The following TNNI3K variants were observed in gnomAD, a reference collection of about 807,000 sequenced individuals.
The protein encoded by TNNI3K is serine/threonine-protein kinase TNNI3K.
Under a neutral mutation model 114.5 loss-of-function variants are expected in TNNI3K, and 140 were observed. That is an observed-to-expected ratio of 1.22 (90% CI 1.07 to 1.41). The LOEUF (loss-of-function observed/expected upper bound fraction) is 1.41. Among genes scored for constraint, TNNI3K ranks in the 40% most tolerant of loss-of-function variants. The pLI, the probability that TNNI3K is intolerant of heterozygous loss-of-function variation, is 0.00. For missense variants in TNNI3K, 1,125 were observed against 1,007.6 expected (o/e 1.12, Z -1.58); for synonymous variants, 347 against 347.5 (o/e 1.00, Z 0.02).
chr1:74,393,906 A>T (rs1663933211), intron 17 of TNNI3K, among the ~76,000 whole-genome samples: 2 of 152,280 alleles, frequency 1.3e-5, no homozygotes, highest in South Asian at 2.1e-4. Context: ...GACCCTGCTG[A>T]TCTGACAGGA....
intron 17 of TNNI3K, among the ~76,000 whole-genome samples, chr1:74,424,866 A>T (rs1460657285): frequency 6.6e-6 from 1 of 152,152 alleles, no homozygotes; most frequent in South Asian, 2.1e-4. Context: ...TAGGGGACAA[A>T]TGATACAAAG....
intron 17 of TNNI3K, among the ~76,000 whole-genome samples, chr1:74,424,718 C>CAAAAAA (rs71588833): frequency 8.8e-6 from 1 of 113,772 alleles, no homozygotes. Context: ...GAGTCCATCT[C>CAAAAAA]AAAAAAAAAA....
intron 21 of TNNI3K, among the ~76,000 whole-genome samples, chr1:74,477,209 A>G (rs1668248369): frequency 1.3e-5 from 2 of 152,166 alleles, no homozygotes; most frequent in East Asian, 3.8e-4. Flanking sequence ...TTTAACTCAT[A>G]TGGGTAAGAA....
chr1:74,292,118 GTCTC>G (rs1230137893), intron 5 of TNNI3K, among the ~76,000 whole-genome samples: 5 of 150,980 alleles, frequency 3.3e-5, no homozygotes, highest in African/African-American at 9.7e-5. Context: ...GATTATTTTG[GTCTC>G]TCTTTTTGTC....
chr1:74,304,881 T>C (rs1658529972), intron 5 of TNNI3K, among the ~76,000 whole-genome samples: 1 of 152,224 alleles, frequency 6.6e-6, no homozygotes, highest in African/African-American at 2.4e-5. Flanking sequence ...TGACTTATTT[T>C]ATTGCAAAAT....
intron 17 of TNNI3K, chr1:74,375,810 C>T: frequency 3.6e-6 from 1 of 280,154 alleles, no homozygotes; most frequent in Non-Finnish European, 7.5e-6. Flanking sequence ...CTCTCCTGTA[C>T]AGCTGGCTGT....
intron 5 of TNNI3K, among the ~76,000 whole-genome samples, chr1:74,311,812 G>A (rs1659011277): frequency 6.6e-6 from 1 of 151,976 alleles, no homozygotes. Flanking sequence ...TTTATATAAA[G>A]GTATTTGATA....
At chr1:74,404,623 A>G (rs1245832175) in intron 17 of TNNI3K, among the ~76,000 whole-genome samples, 2 of 152,230 alleles carry the variant, frequency 1.3e-5, no homozygotes, top group Non-Finnish European at 2.9e-5. Context: ...ATTGCTAACA[A>G]GTTCCCAGGT....
chr1:74,521,037 C>A (rs918475261), intron 23 of TNNI3K, among the ~76,000 whole-genome samples: 1 of 152,140 alleles, frequency 6.6e-6, no homozygotes, highest in Non-Finnish European at 1.5e-5. Flanking sequence ...TCTGGTTGCC[C>A]TGACTGGACA....
intron 23 of TNNI3K, among the ~76,000 whole-genome samples, chr1:74,493,690 A>G (rs1352318187): frequency 6.6e-6 from 1 of 152,154 alleles, no homozygotes; most frequent in Non-Finnish European, 1.5e-5. Context: ...GTTCAGGTCT[A>G]TTCCTTGGGT....
intron 4 of TNNI3K, among the ~76,000 whole-genome samples, chr1:74,264,141 G>A (rs1312112492): frequency 6.6e-6 from 1 of 151,662 alleles, no homozygotes; most frequent in Non-Finnish European, 1.5e-5. Flanking sequence ...GATAATCTAA[G>A]AGTATGTTAC....
At chr1:74,290,759 C>T (rs866086155) in intron 5 of TNNI3K, among the ~76,000 whole-genome samples, 2 of 151,510 alleles carry the variant, frequency 1.3e-5, no homozygotes, top group South Asian at 2.1e-4. Flanking sequence ...AAATATTCAC[C>T]TTTACAGAAG....
intron 21 of TNNI3K, among the ~76,000 whole-genome samples, chr1:74,488,474 G>A (rs1668878945): frequency 6.6e-6 from 1 of 152,080 alleles, no homozygotes; most frequent in African/African-American, 2.4e-5. Context: ...GAAATGATAG[G>A]GTGTATAGTT....
chr1:74,495,599 T>C (rs1436232213), intron 23 of TNNI3K, among the ~76,000 whole-genome samples: 1 of 152,182 alleles, frequency 6.6e-6, no homozygotes, highest in Non-Finnish European at 1.5e-5. Flanking sequence ...TAAATAGTCA[T>C]CTAATTCAGC....
intron 21 of TNNI3K, among the ~76,000 whole-genome samples, chr1:74,487,314 T>C (rs890729974): frequency 2.6e-4 from 39 of 152,242 alleles, no homozygotes; most frequent in Non-Finnish European, 2.9e-5. Flanking sequence ...GGGCAAATTA[T>C]GTAGGTCATA....
chr1:74,440,727 G>A lies in TNNI3K; in HGVS notation c.2011+1105G>A, dbSNP rs138002307. 8.0e-3 allele frequency among the ~76,000 whole-genome samples: 1,225 copies of A among 152,194 alleles called. 19 individuals carry two copies. Among genetic ancestry groups the A allele is most frequent in the African/African-American group, 0.027 (1,125 of 41,540 alleles). On this transcript the variant is annotated intron_variant, in intron 20 of 24. Transcript: ENST00000326637. ...ACATATTTTCTATAGTTTTAAATTA[G>A]ACTTAGCCCTTATTATAGTGTGGAT... is the stretch of plus-strand genomic sequence containing the variant.
chr1:74,373,802 A>G (rs1017734182), intron 17 of TNNI3K: 1 of 151,842 alleles, frequency 6.6e-6, no homozygotes, highest in African/African-American at 2.4e-5. Flanking sequence ...TTTGAGTGAA[A>G]AAAAAGAACT....
intron 17 of TNNI3K, among the ~76,000 whole-genome samples, chr1:74,406,221 C>T (rs963317986): frequency 2.0e-5 from 3 of 152,198 alleles, no homozygotes; most frequent in Non-Finnish European, 4.4e-5. Flanking sequence ...GTAAGCTTGT[C>T]CACCCCACAG....
intron 4 of TNNI3K, among the ~76,000 whole-genome samples, chr1:74,260,785 C>T (rs1327981181): frequency 6.6e-6 from 1 of 151,972 alleles, no homozygotes; most frequent in African/African-American, 2.4e-5. Flanking sequence ...GAAATGGCAT[C>T]TATACTTAGA....
Sources: allele counts gnomAD v4.1 joint callset (sites outside exome capture counted in the v4.1 genomes callset), GRCh38; gene constraint gnomAD v4.1.1; transcripts MANE v1.5; gene names NCBI Gene and HGNC (gene_info 2026-07-23, HGNC 2026-07-21).